The following SPMIP4 variants were observed in gnomAD, a reference collection of about 807,000 sequenced individuals.
The protein encoded by SPMIP4 is sperm-associated microtubule inner protein 4.
the SPMIP4 span, among the ~76,000 whole-genome samples, chr7:25,130,665 T>C: frequency 1.3e-5 from 2 of 152,288 alleles, no homozygotes; most frequent in South Asian, 4.1e-4. Flanking sequence ...CCTCCCATAA[T>C]CCTAACCTTG....
At chr7:25,177,871 T>G in the SPMIP4 span, among the ~76,000 whole-genome samples, 41 of 152,334 alleles carry the variant, frequency 2.7e-4, 1 homozygote, top group South Asian at 6.2e-3. Flanking sequence ...AAATTGCATG[T>G]TGCAGTGGTT....
chr7:25,167,184 A>C, the SPMIP4 span, among the ~76,000 whole-genome samples: 2 of 152,244 alleles, frequency 1.3e-5, no homozygotes, highest in Non-Finnish European at 2.9e-5. Context: ...TGCTTCCTAT[A>C]CTTAAATTAC....
the SPMIP4 span, among the ~76,000 whole-genome samples, chr7:25,162,286 A>T: frequency 6.8e-6 from 1 of 146,000 alleles, no homozygotes; most frequent in East Asian, 2.0e-4. Flanking sequence ...AAAAAAAAAA[A>T]TTAATTAAAA....
the SPMIP4 span, among the ~76,000 whole-genome samples, chr7:25,137,037 C>G: frequency 6.6e-6 from 1 of 152,212 alleles, no homozygotes; most frequent in African/African-American, 2.4e-5. Context: ...AGAACTCTTT[C>G]TGTGTGGGAA....
At chr7:25,169,765 A>G in the SPMIP4 span, among the ~76,000 whole-genome samples, 4 of 151,984 alleles carry the variant, frequency 2.6e-5, no homozygotes, top group African/African-American at 9.7e-5. Flanking sequence ...CAGTAGAGAC[A>G]TGGTTTCGCC....
chr7:25,173,135 G>C, the SPMIP4 span, among the ~76,000 whole-genome samples: 1 of 152,042 alleles, frequency 6.6e-6, no homozygotes, highest in Non-Finnish European at 1.5e-5. The surrounding 1 kb of genome is among the most constrained non-coding windows in gnomAD (Gnocchi z 4.4). Context: ...GGAAGAGAGA[G>C]AGAGGGAAAG....
At chr7:25,160,257 T>TTCCATTATATAATAAATAATG in the SPMIP4 span, among the ~76,000 whole-genome samples, 389 of 151,390 alleles carry the variant, frequency 2.6e-3, 4 homozygotes, top group Admixed American at 4.3e-3. Flanking sequence ...AATAAAGAAG[T>TTCCATTATATAATAAATAATG]GATAGTTCCA....
the SPMIP4 span, chr7:25,161,307 C>T: frequency 9.4e-7 from 1 of 1,067,050 alleles, no homozygotes; most frequent in African/African-American, 1.6e-5. Context: ...AAAATTAACA[C>T]AATATAATGG....
At chr7:25,158,438 G>A in the SPMIP4 span, 2 of 1,218,090 alleles carry the variant, frequency 1.6e-6, no homozygotes, top group South Asian at 1.2e-5. Context: ...CTAAGACATA[G>A]GAAATGTCAA....
the SPMIP4 span, among the ~76,000 whole-genome samples, chr7:25,150,376 G>A: frequency 1.3e-5 from 2 of 152,132 alleles, no homozygotes; most frequent in Non-Finnish European, 2.9e-5. Flanking sequence ...TAAAACAGAC[G>A]CTTCGTTAGG....
the SPMIP4 span, among the ~76,000 whole-genome samples, chr7:25,175,726 T>C: frequency 3.3e-5 from 5 of 152,180 alleles, no homozygotes; most frequent in Non-Finnish European, 7.3e-5. Flanking sequence ...CTGTTTTGTA[T>C]TGTTTTATTT....
the SPMIP4 span, among the ~76,000 whole-genome samples, chr7:25,157,513 T>C: frequency 6.6e-6 from 1 of 152,186 alleles, no homozygotes; most frequent in Non-Finnish European, 1.5e-5. Flanking sequence ...GCATGTACCC[T>C]TGCTACGATG....
the SPMIP4 span, among the ~76,000 whole-genome samples, chr7:25,132,918 A>C: frequency 6.6e-6 from 1 of 152,190 alleles, no homozygotes; most frequent in East Asian, 1.9e-4. This position sits in a 1 kb window ranked among gnomAD's most constrained non-coding sequence, Gnocchi z 5.0. Flanking sequence ...TCATATTTTA[A>C]AGGCTCTTTC....
chr7:25,148,328 A>G, the SPMIP4 span, among the ~76,000 whole-genome samples: 2 of 151,938 alleles, frequency 1.3e-5, no homozygotes, highest in Non-Finnish European at 2.9e-5. Flanking sequence ...AGTCCCAGAT[A>G]CTTAGGAGGC....
the SPMIP4 span, among the ~76,000 whole-genome samples, chr7:25,173,420 G>A: frequency 3.9e-5 from 6 of 152,190 alleles, no homozygotes; most frequent in Non-Finnish European, 5.9e-5. This position sits in a 1 kb window ranked among gnomAD's most constrained non-coding sequence, Gnocchi z 4.4. Context: ...ATATACATAC[G>A]GTCTATGGCT....
the SPMIP4 span, among the ~76,000 whole-genome samples, chr7:25,146,223 G>A: frequency 6.6e-6 from 1 of 152,210 alleles, no homozygotes; most frequent in Non-Finnish European, 1.5e-5. Flanking sequence ...TCTAGTCAGG[G>A]CTTGGGAAAG....
the SPMIP4 span, among the ~76,000 whole-genome samples, chr7:25,151,118 A>G: frequency 2.0e-5 from 3 of 152,334 alleles, no homozygotes; most frequent in East Asian, 1.9e-4. Context: ...GGAATGTTCC[A>G]TAACTACCAA....
chr7:25,149,971 A>T, the SPMIP4 span, among the ~76,000 whole-genome samples: 2 of 152,190 alleles, frequency 1.3e-5, no homozygotes, highest in African/African-American at 2.4e-5. Context: ...TACATAACAG[A>T]AACAAAGAGG....
At chr7:25,168,424 GGAAGCCTACATTGTT>G in the SPMIP4 span, 2 of 1,608,070 alleles carry the variant, frequency 1.2e-6, no homozygotes, top group Non-Finnish European at 1.7e-6. Flanking sequence ...AGCGCCCCAA[GGAAGCCTACATTGTT>G]GAAGTGACTC....
Sources: allele counts gnomAD v4.1 joint callset (sites outside exome capture counted in the v4.1 genomes callset), GRCh38; gene constraint gnomAD v4.1.1; non-coding constraint Gnocchi (gnomAD v3.1); transcripts MANE v1.5; gene names NCBI Gene and HGNC (gene_info 2026-07-23, HGNC 2026-07-21).